The following TMEM178A variants were observed in gnomAD, a reference collection of about 807,000 sequenced individuals.
TMEM178A encodes transmembrane protein 178A.
Under a neutral mutation model 29.1 loss-of-function variants are expected in TMEM178A, and 12 were observed. The observed-to-expected ratio is 0.41, with a 90% CI of 0.26 to 0.67. The LOEUF (loss-of-function observed/expected upper bound fraction) is 0.67. TMEM178A is among the 30% of genes least tolerant of loss of function. The probability of loss-of-function intolerance (pLI) is 0.29; values close to 1 mark genes in which losing one functional copy is unlikely to be tolerated. For missense variants in TMEM178A, 366 were observed against 419.1 expected (o/e 0.87, Z 1.11); for synonymous variants, 210 against 187.2 (o/e 1.12, Z -0.99).
chr2:39,674,183 A>C (rs1378023603), intron 1 of TMEM178A, among the ~76,000 whole-genome samples: 4 of 152,178 alleles, frequency 2.6e-5, no homozygotes, highest in Non-Finnish European at 5.9e-5. Flanking sequence ...TGCCAACATC[A>C]ACGGTTCAAT....
At chr2:39,728,470 G>T in the TMEM178A span, among the ~76,000 whole-genome samples, 2 of 151,942 alleles carry the variant, frequency 1.3e-5, no homozygotes, top group Non-Finnish European at 2.9e-5. Flanking sequence ...AATATTAATT[G>T]TTCTTTTCTG....
At chr2:39,686,748 G>C (rs1175207714) in intron 1 of TMEM178A, among the ~76,000 whole-genome samples, 1 of 152,104 alleles carries the variant, frequency 6.6e-6, no homozygotes, top group Admixed American at 6.5e-5. Flanking sequence ...TCTGATTTTG[G>C]TGTTCCTCTA....
chr2:39,666,072 A>C lies in TMEM178A; in HGVS notation c.98A>C (p.Glu33Ala), dbSNP rs1243966064. The change falls in exon 1 of 4, where the codon GAG becomes GCG. Residue 33 changes from glutamate to alanine, a missense_variant. By Grantham distance (107) the Glu-to-Ala change is moderately radical. Around this residue, in one of 2 missense-constraint regions of TMEM178A, gnomAD observed 247 missense variants for 246.8 expected, o/e 1.00. Transcript: ENST00000281961. ...GCCATCTTCACCGACCACTGGTACG[A>C]GACCGACCCCCGGCGCCACAAGGAG... ...VTAIFTDHWYETDPRRHKESC... is the reference protein window; with the variant it reads ...VTAIFTDHWYATDPRRHKESC... The C allele has an allele frequency of 9.6e-6, 15 of 1,570,088 alleles. No homozygotes were observed. The South Asian group carries it at 1.6e-4, about 17-fold the overall frequency.
At chr2:39,705,137 G>T (rs921328478) in intron 2 of TMEM178A, among the ~76,000 whole-genome samples, 11 of 152,174 alleles carry the variant, frequency 7.2e-5, no homozygotes, top group African/African-American at 2.7e-4. Context: ...CATCATAGGA[G>T]CCTGAAAAAG....
At chr2:39,730,290 C>T in the TMEM178A span, among the ~76,000 whole-genome samples, 1 of 152,166 alleles carries the variant, frequency 6.6e-6, no homozygotes, top group South Asian at 2.1e-4. Flanking sequence ...GGACAATGAG[C>T]AGCTGGGAAT....
chr2:39,716,365 T>G (rs1029494349), intron 3 of TMEM178A, among the ~76,000 whole-genome samples: 1 of 152,214 alleles, frequency 6.6e-6, no homozygotes, highest in African/African-American at 2.4e-5. Flanking sequence ...TTTGGGTCTG[T>G]CCATGTTCCT....
chr2:39,712,689 G>C (rs1282469063), intron 3 of TMEM178A, among the ~76,000 whole-genome samples: 1 of 152,024 alleles, frequency 6.6e-6, no homozygotes, highest in Non-Finnish European at 1.5e-5. Flanking sequence ...CTCTCTGGGG[G>C]ACACTAGCTG....
At chr2:39,735,392 G>A in the TMEM178A span, among the ~76,000 whole-genome samples, 1 of 152,060 alleles carries the variant, frequency 6.6e-6, no homozygotes, top group African/African-American at 2.4e-5. Context: ...CTTTTTCTTT[G>A]AGTTGTCAAG....
Position 39,717,316 on chromosome 2 carries a change from G to A in TMEM178A, c.*65G>A. ...GAGGGGAACAGCGCGGAGTTCAGGAGTCCAAGCACAAAGCGGTCTTTTACA... is the reference window on the plus strand; with the variant it reads ...GAGGGGAACAGCGCGGAGTTCAGGAATCCAAGCACAAAGCGGTCTTTTACA... On this transcript the variant is annotated 3_prime_UTR_variant, in exon 4 of 4. Transcript: ENST00000281961. 4 of 1,547,366 alleles carry A rather than the reference G, an allele frequency of 2.6e-6. No individual in the cohort carries two copies. Among genetic ancestry groups the A allele is most frequent in the Non-Finnish European group, 3.5e-6 (4 of 1,146,878 alleles).
chr2:39,723,969 T>C, the TMEM178A span, among the ~76,000 whole-genome samples: 1 of 152,358 alleles, frequency 6.6e-6, no homozygotes, highest in South Asian at 2.1e-4. Context: ...TTAAGCAAGC[T>C]TCTATATTTC....
intron 1 of TMEM178A, among the ~76,000 whole-genome samples, chr2:39,697,318 C>T (rs764612740): frequency 2.0e-5 from 3 of 152,146 alleles, no homozygotes; most frequent in Admixed American, 6.5e-5. Flanking sequence ...AATAATATTG[C>T]TTTCCTCTTC....
At chr2:39,677,334 T>A (rs1670673555) in intron 1 of TMEM178A, among the ~76,000 whole-genome samples, 1 of 152,198 alleles carries the variant, frequency 6.6e-6, no homozygotes, top group African/African-American at 2.4e-5. Context: ...AACAACAACA[T>A]ATTTCATTTC....
At chr2:39,731,842 T>C in the TMEM178A span, among the ~76,000 whole-genome samples, 9 of 152,124 alleles carry the variant, frequency 5.9e-5, no homozygotes, top group Non-Finnish European at 1.3e-4. Context: ...TCTGCAACCA[T>C]TGTCTATGGG....
chr2:39,685,889 G>T (rs1171769776), intron 1 of TMEM178A, among the ~76,000 whole-genome samples: 1 of 152,188 alleles, frequency 6.6e-6, no homozygotes, highest in Non-Finnish European at 1.5e-5. Flanking sequence ...CAACCTCCTG[G>T]TCTGCAGTTT....
chr2:39,677,693 C>G (rs1452741726), intron 1 of TMEM178A, among the ~76,000 whole-genome samples: 2 of 151,994 alleles, frequency 1.3e-5, no homozygotes, highest in African/African-American at 2.4e-5. Context: ...CAGGAATGTT[C>G]AAGTCAAAAC....
chr2:39,700,015 G>C lies in TMEM178A; in HGVS notation c.401-4066G>C, dbSNP rs184853200. On this transcript the variant is annotated intron_variant, in intron 1 of 3. Transcript: ENST00000281961. ...GCATTGTGGTGAGAGAACTTACTTT[G>C]TATGACTTTAATGTTTTTAAATTTA... Among the ~76,000 whole-genome samples, 13 of 152,076 alleles carry C rather than the reference G, an allele frequency of 8.5e-5. No homozygotes were observed. In the East Asian group the frequency reaches 2.5e-3, roughly 29 times the overall value.
chr2:39,668,748 A>G (rs764670397), intron 1 of TMEM178A, among the ~76,000 whole-genome samples: 1 of 152,222 alleles, frequency 6.6e-6, no homozygotes, highest in African/African-American at 2.4e-5. Flanking sequence ...TGTTGCTACT[A>G]ACCAACCTTG....
chr2:39,726,201 G>A, the TMEM178A span, among the ~76,000 whole-genome samples: 2 of 152,282 alleles, frequency 1.3e-5, no homozygotes, highest in Admixed American at 6.5e-5. Context: ...TGCTATGAAC[G>A]AAAAATGAGG....
chr2:39,676,146 T>A lies in TMEM178A; in HGVS notation c.400+9772T>A, dbSNP rs376779252. On this transcript the variant is annotated intron_variant, in intron 1 of 3. Transcript: ENST00000281961. Reference sequence around the variant, plus strand: ...TTGGGTTGTGGGTGTAATTTTAAAATATGTAGTTGATAAAGTGCTTGATAA... The same window carrying A: ...TTGGGTTGTGGGTGTAATTTTAAAAAATGTAGTTGATAAAGTGCTTGATAA... Among the ~76,000 whole-genome samples, 5 of 152,344 alleles carry A rather than the reference T, an allele frequency of 3.3e-5. No individual in the cohort carries two copies. In the East Asian group the frequency reaches 7.7e-4, roughly 24 times the overall value.
Sources: gnomAD v4.1 joint callset for allele counts (sites outside exome capture counted in the v4.1 genomes callset) on GRCh38, gnomAD v4.1.1 for gene constraint, gnomAD v4.1.1 regional missense constraint, MANE v1.5 for transcripts, NCBI Gene and HGNC (gene_info 2026-07-23, HGNC 2026-07-21) for gene names.